Variants in ARHGAP6 observed in about 807,000 individuals in gnomAD.
ARHGAP6 encodes the protein rho GTPase-activating protein 6.
ARHGAP6 carries 16 observed loss-of-function variants against 55.7 expected under a neutral mutation model. The ratio of observed to expected loss-of-function variants is 0.29; its 90% CI spans 0.19 to 0.44. The LOEUF is 0.44. ARHGAP6 is among the 20% of genes least tolerant of loss of function. The pLI, the probability that ARHGAP6 is intolerant of heterozygous loss-of-function variation, is 1.00. For synonymous variants in ARHGAP6, 382 were observed against 360.9 expected, an observed-to-expected ratio of 1.06 and a Z score of -0.66; for missense variants, 698 against 808.9, an observed-to-expected ratio of 0.86 and a Z score of 1.66.
Position 11,559,228 on chromosome X carries a change from G to C in ARHGAP6, c.588+105013C>G, listed in dbSNP as rs2051357816. Among the ~76,000 whole-genome samples the C allele has an allele frequency of 2.7e-5, 3 of 109,723 alleles. No homozygotes were observed. The South Asian group carries it at 1.2e-3, about 43-fold the overall frequency. Reference sequence around the variant, plus strand: ...ATCATCGATGCACTTGGTCTTTCATGATGAGGCCCATTTTTTTACTGTCAC... The same window carrying C: ...ATCATCGATGCACTTGGTCTTTCATCATGAGGCCCATTTTTTTACTGTCAC... On this transcript the variant is annotated intron_variant, in intron 1 of 12. Coordinates refer to ENST00000337414, the MANE Select transcript of ARHGAP6 (RefSeq NM_013427.3).
chrX:11,479,716 G>A (rs769929809), intron 1 of ARHGAP6, among the ~76,000 whole-genome samples: 24 of 111,911 alleles, frequency 2.1e-4, no homozygotes, highest in African/African-American at 7.5e-4. Context: ...CCCAGCTGAT[G>A]CTACAGAAGC....
At chrX:11,658,367 T>G (rs2052661340) in intron 1 of ARHGAP6, among the ~76,000 whole-genome samples, 2 of 111,024 alleles carry the variant, frequency 1.8e-5, no homozygotes, top group African/African-American at 6.5e-5. Context: ...TGAGAGAGAG[T>G]GTATGTGTGA....
chrX:11,554,000 T>A (rs967694886), intron 1 of ARHGAP6, among the ~76,000 whole-genome samples: 13 of 112,399 alleles, frequency 1.2e-4, no homozygotes, highest in Non-Finnish European at 2.3e-4. Context: ...AATGTTTAAA[T>A]GTATTTGCCT....
intron 8 of ARHGAP6, among the ~76,000 whole-genome samples, chrX:11,176,281 ATTTATATG>A (rs1416722233): frequency 3.1e-5 from 2 of 65,516 alleles, no homozygotes; most frequent in African/African-American, 1.0e-4. Flanking sequence ...ATATTTATAT[ATTTATATG>A]TATTTGCATG....
chrX:11,549,041 A>C (rs1394309632), intron 1 of ARHGAP6, among the ~76,000 whole-genome samples: 3 of 112,589 alleles, frequency 2.7e-5, no homozygotes, highest in African/African-American at 9.7e-5. Context: ...AAACCATAAA[A>C]CTACTAGAAG....
chrX:11,586,463 T>A (rs1234938774), intron 1 of ARHGAP6, among the ~76,000 whole-genome samples: 1 of 111,748 alleles, frequency 8.9e-6, no homozygotes, highest in East Asian at 2.8e-4. Flanking sequence ...GTCAGGTTTG[T>A]CAAAGATCAG....
rs184291311 is a variant in ARHGAP6 at position 11,605,204 on chromosome X, G to A, written c.588+59037C>T. Among the ~76,000 whole-genome samples, 5 of 111,573 alleles carry A rather than the reference G, an allele frequency of 4.5e-5. No homozygotes were observed. The East Asian group carries it at 1.4e-3, about 32-fold the overall frequency. ...ATTTGGTCCCTAAGTTTGGGTTTGA[G>A]TTCTCTGGTTAAGGCTCTTGGATTT... On this transcript the variant is annotated intron_variant, in intron 1 of 12. Transcript: ENST00000337414.
At chrX:11,529,731 A>C (rs535800216) in intron 1 of ARHGAP6, among the ~76,000 whole-genome samples, 22 of 112,046 alleles carry the variant, frequency 2.0e-4, no homozygotes, top group African/African-American at 6.8e-4. Flanking sequence ...AACTCTGATA[A>C]GTCAAAGTAA....
intron 1 of ARHGAP6, among the ~76,000 whole-genome samples, chrX:11,383,683 A>G (rs979783736): frequency 9.0e-6 from 1 of 111,423 alleles, no homozygotes; most frequent in Non-Finnish European, 1.9e-5. Flanking sequence ...CCTCTTTTTA[A>G]AAGGCAACAA....
intron 1 of ARHGAP6, among the ~76,000 whole-genome samples, chrX:11,338,448 C>G (rs771740290): frequency 1.8e-4 from 20 of 111,540 alleles, no homozygotes; most frequent in Non-Finnish European, 3.4e-4. Context: ...CATGCATATA[C>G]TACCCCATTT....
chrX:11,320,158 T>G lies in ARHGAP6; in HGVS notation c.589-65451A>C, dbSNP rs1008008629. ...CTGTGGATGCCTCTTCATGTTAGGT[T>G]GACAGCTTTTGATTTAAGCGTTCTG... On this transcript the variant is annotated intron_variant, in intron 1 of 12. Transcript: ENST00000337414. Among the ~76,000 whole-genome samples the G allele has an allele frequency of 7.2e-5, 8 of 111,625 alleles. No individual in the cohort carries two copies. The East Asian group carries it at 2.2e-3, about 31-fold the overall frequency.
chrX:11,607,717 T>A (rs929763789), intron 1 of ARHGAP6, among the ~76,000 whole-genome samples: 1 of 112,523 alleles, frequency 8.9e-6, no homozygotes, highest in African/African-American at 3.2e-5. Context: ...TGTTAAGTTA[T>A]GCCATGTATA....
chrX:11,497,288 C>T (rs934921180), intron 1 of ARHGAP6, among the ~76,000 whole-genome samples: 41 of 111,972 alleles, frequency 3.7e-4, no homozygotes, highest in Non-Finnish European at 5.6e-4. Context: ...GAAGTTTATT[C>T]ATAGTCTTAC....
At chrX:11,156,686 TC>T in intron 9 of ARHGAP6, 60 bp from the exon 10 acceptor site, 1 of 886,209 alleles carries the variant, frequency 1.1e-6, no homozygotes, top group South Asian at 2.2e-5. Flanking sequence ...CAACATATGG[TC>T]ACTGACAATT....
At chrX:11,223,477 A>G (rs183326154) in intron 2 of ARHGAP6, among the ~76,000 whole-genome samples, 3 of 111,550 alleles carry the variant, frequency 2.7e-5, no homozygotes, top group African/African-American at 9.7e-5. Context: ...GCCAATGAAG[A>G]TGACCTCTTT....
intron 1 of ARHGAP6, among the ~76,000 whole-genome samples, chrX:11,367,394 G>T (rs1256391167): frequency 1.8e-5 from 2 of 111,481 alleles, no homozygotes; most frequent in Non-Finnish European, 3.8e-5. Flanking sequence ...CCCTGATGAA[G>T]CAGAACTGCA....
At chrX:11,331,351 G>A (rs1022333541) in intron 1 of ARHGAP6, among the ~76,000 whole-genome samples, 2 of 111,560 alleles carry the variant, frequency 1.8e-5, no homozygotes, top group African/African-American at 6.5e-5. Flanking sequence ...ATTTCTACAT[G>A]GCTGTCCACA....
intron 1 of ARHGAP6, among the ~76,000 whole-genome samples, chrX:11,345,257 C>CAATA (rs1272177975): frequency 1.8e-5 from 2 of 109,231 alleles, no homozygotes; most frequent in African/African-American, 6.8e-5. Flanking sequence ...AATATTCTTT[C>CAATA]TATTCTTTTG....
intron 2 of ARHGAP6, among the ~76,000 whole-genome samples, chrX:11,220,862 A>G (rs2046960052): frequency 9.2e-6 from 1 of 109,119 alleles, no homozygotes; most frequent in African/African-American, 3.3e-5. Context: ...GTCAAGACCC[A>G]TCAGTGTGCT....
Sources: gnomAD v4.1 joint callset for allele counts (sites outside exome capture counted in the v4.1 genomes callset) on GRCh38, gnomAD v4.1.1 for gene constraint, MANE v1.5 for transcripts, NCBI Gene and HGNC (gene_info 2026-07-23, HGNC 2026-07-21) for gene names.